The following RTL4 variants were observed in gnomAD, a reference collection of about 807,000 sequenced individuals.
The protein encoded by RTL4 is retrotransposon Gag-like protein 4.
Under a neutral mutation model 5.3 loss-of-function variants are expected in RTL4, and 4 were observed. The observed-to-expected ratio is 0.75, with a 90% CI of 0.37 to 1.72. The LOEUF is 1.72. Ranked by LOEUF, RTL4 falls within the 40% of genes most tolerant of loss-of-function variation. The probability of loss-of-function intolerance (pLI) is 0.04; values close to 1 mark genes in which losing one functional copy is unlikely to be tolerated. For synonymous variants in RTL4, 98 were observed against 87.3 expected, an observed-to-expected ratio of 1.12 and a Z score of -0.68; for missense variants, 260 against 227.1, an observed-to-expected ratio of 1.14 and a Z score of -0.93.
chrX:112,328,628 G>A, the RTL4 span, among the ~76,000 whole-genome samples: 1 of 111,439 alleles, frequency 9.0e-6, no homozygotes, highest in Non-Finnish European at 1.9e-5. Flanking sequence ...GGATACCCAG[G>A]AATTGAACTC....
the RTL4 span, among the ~76,000 whole-genome samples, chrX:112,198,184 T>C: frequency 2.7e-5 from 3 of 111,521 alleles, no homozygotes; most frequent in Non-Finnish European, 5.6e-5. Flanking sequence ...CATAGATAAA[T>C]GGTACAGTGG....
At chrX:112,432,604 T>G in the RTL4 span, among the ~76,000 whole-genome samples, 281 of 97,078 alleles carry the variant, frequency 2.9e-3, 1 homozygote, top group Non-Finnish European at 4.4e-3. Context: ...TAAATTTGTT[T>G]GAGTTCATTG....
At chrX:112,330,510 T>C in the RTL4 span, among the ~76,000 whole-genome samples, 4 of 110,500 alleles carry the variant, frequency 3.6e-5, no homozygotes, top group South Asian at 3.8e-4. Context: ...TAAAAGAGGA[T>C]ACAAACAAAT....
the RTL4 span, among the ~76,000 whole-genome samples, chrX:112,444,431 T>C: frequency 8.9e-6 from 1 of 111,918 alleles, no homozygotes; most frequent in African/African-American, 3.2e-5. Flanking sequence ...TTCTGGGTCT[T>C]TTGTGGTTTC....
chrX:112,146,859 A>G, the RTL4 span, among the ~76,000 whole-genome samples: 1 of 106,686 alleles, frequency 9.4e-6, no homozygotes, highest in Non-Finnish European at 1.9e-5. Context: ...CATCATCATT[A>G]TTATCACTAT....
chrX:112,404,346 T>C, the RTL4 span, among the ~76,000 whole-genome samples: 1 of 112,503 alleles, frequency 8.9e-6, no homozygotes, highest in East Asian at 2.8e-4. Context: ...GTGTTTTATT[T>C]GTCCAACTCA....
chrX:112,181,795 G>A, the RTL4 span, among the ~76,000 whole-genome samples: 4 of 112,085 alleles, frequency 3.6e-5, no homozygotes, highest in African/African-American at 1.3e-4. Flanking sequence ...GCTCTGAAGA[G>A]AGCAGCAGAT....
At chrX:112,270,757 G>A in the RTL4 span, among the ~76,000 whole-genome samples, 1 of 110,747 alleles carries the variant, frequency 9.0e-6, no homozygotes, top group African/African-American at 3.3e-5. Context: ...GAGTTCTGTT[G>A]GGAGGAAGGA....
the RTL4 span, among the ~76,000 whole-genome samples, chrX:112,332,666 C>T: frequency 1.3e-5 from 1 of 78,530 alleles, no homozygotes; most frequent in African/African-American, 5.2e-5. Context: ...GGACATCACA[C>T]ATTGGGGCCT....
At chrX:112,306,053 A>G in the RTL4 span, among the ~76,000 whole-genome samples, 1 of 111,452 alleles carries the variant, frequency 9.0e-6, no homozygotes, top group African/African-American at 3.3e-5. Context: ...GAGATGGGAT[A>G]TGCAGAGATT....
the RTL4 span, among the ~76,000 whole-genome samples, chrX:112,158,305 A>G: frequency 9.0e-6 from 1 of 111,725 alleles, no homozygotes. Flanking sequence ...TAAAAATGTA[A>G]TAGTAGTTTT....
the RTL4 span, among the ~76,000 whole-genome samples, chrX:112,183,038 G>A: frequency 7.1e-5 from 8 of 112,132 alleles, no homozygotes; most frequent in South Asian, 7.4e-4. Context: ...AATTTTCAAC[G>A]CAGAATTTCA....
At chrX:112,392,850 T>C in the RTL4 span, among the ~76,000 whole-genome samples, 1 of 112,076 alleles carries the variant, frequency 8.9e-6, no homozygotes, top group African/African-American at 3.2e-5. Context: ...CACATTTTCA[T>C]AGAGCAGCTG....
chrX:112,439,465 C>CA, the RTL4 span, among the ~76,000 whole-genome samples: 3 of 111,901 alleles, frequency 2.7e-5, no homozygotes, highest in Admixed American at 2.8e-4. Context: ...GAGTCTTAAA[C>CA]ATCTTCCTGG....
At chrX:112,164,850 T>C in the RTL4 span, among the ~76,000 whole-genome samples, 1 of 111,526 alleles carries the variant, frequency 9.0e-6, no homozygotes, top group Non-Finnish European at 1.9e-5. Context: ...ACTTCCTGCC[T>C]AAGAGTATTT....
the RTL4 span, among the ~76,000 whole-genome samples, chrX:112,117,837 C>T: frequency 5.4e-5 from 6 of 111,119 alleles, no homozygotes; most frequent in Non-Finnish European, 1.1e-4. Context: ...TAATTTATCC[C>T]AAGGAAATAA....
chrX:112,102,099 T>C, the RTL4 span, among the ~76,000 whole-genome samples: 3 of 111,378 alleles, frequency 2.7e-5, no homozygotes, highest in Non-Finnish European at 3.8e-5. Flanking sequence ...CAAATATACA[T>C]GAAAGCTTAA....
At chrX:112,322,683 A>G in the RTL4 span, among the ~76,000 whole-genome samples, 2 of 111,066 alleles carry the variant, frequency 1.8e-5, no homozygotes, top group African/African-American at 3.3e-5. Flanking sequence ...TAGGTAACCC[A>G]TGATAAACCA....
At chrX:112,209,345 T>G in the RTL4 span, among the ~76,000 whole-genome samples, 2 of 111,767 alleles carry the variant, frequency 1.8e-5, no homozygotes, top group Non-Finnish European at 3.8e-5. Flanking sequence ...TCTGGCCATT[T>G]CTCCTTCCAT....
Sources: allele counts gnomAD v4.1 joint callset (sites outside exome capture counted in the v4.1 genomes callset), GRCh38; gene constraint gnomAD v4.1.1; transcripts MANE v1.5; gene names NCBI Gene and HGNC (gene_info 2026-07-23, HGNC 2026-07-21).